The following SH3RF3 variants were observed in gnomAD, a reference collection of about 807,000 sequenced individuals.
SH3RF3 encodes SH3 domain containing ring finger 3.
A neutral mutation model predicts 66.3 loss-of-function variants in SH3RF3; 29 were observed. The observed-to-expected ratio is 0.44, with a 90% confidence interval of 0.33 to 0.60. The LOEUF is 0.60. Among genes scored for constraint, SH3RF3 ranks in the 20% least tolerant of loss-of-function variants. The pLI is 0.04. For missense variants in SH3RF3, 1,194 were observed against 1,190.9 expected (o/e 1.00, Z -0.04); for synonymous variants, 583 against 532.0 (o/e 1.10, Z -1.32).
intron 1 of SH3RF3, among the ~76,000 whole-genome samples, chr2:109,240,607 G>A (rs1284834558): frequency 6.6e-6 from 1 of 152,190 alleles, no homozygotes; most frequent in Non-Finnish European, 1.5e-5. Flanking sequence ...TTTCATTGCT[G>A]CAGTTTCAAA....
chr2:109,293,043 A>T (rs926695435), intron 1 of SH3RF3, among the ~76,000 whole-genome samples: 8 of 152,146 alleles, frequency 5.3e-5, no homozygotes, highest in Non-Finnish European at 1.2e-4. Context: ...TGACATTTAA[A>T]TGGCATCTGT....
intron 1 of SH3RF3, among the ~76,000 whole-genome samples, chr2:109,287,659 G>A (rs2105357687): frequency 6.6e-6 from 1 of 152,286 alleles, no homozygotes; most frequent in South Asian, 2.1e-4. Flanking sequence ...AGATCAGGGT[G>A]TTCCCCTTCT....
chr2:109,218,283 C>T (rs537970551), intron 1 of SH3RF3, among the ~76,000 whole-genome samples: 2 of 152,350 alleles, frequency 1.3e-5, no homozygotes, highest in South Asian at 4.1e-4. Context: ...ACTTTCTTGG[C>T]TCTCTTGCCC....
At chr2:109,345,327 G>T (rs891160802) in intron 1 of SH3RF3, among the ~76,000 whole-genome samples, 1 of 152,318 alleles carries the variant, frequency 6.6e-6, no homozygotes, top group Non-Finnish European at 1.5e-5. Context: ...CTTCTCGGGG[G>T]CATTGCAGGG....
chr2:109,306,289 T>G (rs1165227177), intron 1 of SH3RF3, among the ~76,000 whole-genome samples: 7 of 152,120 alleles, frequency 4.6e-5, no homozygotes, highest in Non-Finnish European at 1.0e-4. Context: ...GTGCCACGTG[T>G]GTGTTTGCAT....
intron 8 of SH3RF3, among the ~76,000 whole-genome samples, chr2:109,479,674 C>A (rs1678781987): frequency 1.3e-5 from 2 of 152,108 alleles, no homozygotes; most frequent in African/African-American, 4.8e-5. Context: ...TTTGTCTCCT[C>A]ATTTTTAAAA....
At chr2:109,484,436 C>G (rs1169574641) in intron 8 of SH3RF3, among the ~76,000 whole-genome samples, 1 of 152,128 alleles carries the variant, frequency 6.6e-6, no homozygotes, top group African/African-American at 2.4e-5. Flanking sequence ...CCCGCACCTG[C>G]TTTTTGCTAG....
At position 109,146,581 on chromosome 2, in the gene SH3RF3, A is replaced by G. The variant is rs927998196; in HGVS notation, c.573+16468A>G. ...CTACCTCTGAATGCACGCTCTCCCC[A>G]GCACCACCTTCAGGCCCAGCCCTTC... On this transcript the variant is annotated intron_variant, in intron 1 of 9. Transcript: ENST00000309415. Among the ~76,000 whole-genome samples the G allele has an allele frequency of 4.7e-4, 72 of 152,172 alleles. 1 individual carries two copies. The highest frequency in any genetic ancestry group is 1.6e-3 in the African/African-American group (68 of 41,538).
At chr2:109,192,284 G>A (rs764653705) in intron 1 of SH3RF3, among the ~76,000 whole-genome samples, 8 of 152,296 alleles carry the variant, frequency 5.3e-5, no homozygotes, top group South Asian at 4.2e-4. Flanking sequence ...TGGAGAAATC[G>A]TGGCTTATTG....
At chr2:109,368,156 C>T (rs1036359864) in intron 2 of SH3RF3, among the ~76,000 whole-genome samples, 9 of 152,232 alleles carry the variant, frequency 5.9e-5, no homozygotes, top group East Asian at 5.8e-4. Flanking sequence ...TATTTGTCTG[C>T]CTTTCCACTG....
intron 8 of SH3RF3, among the ~76,000 whole-genome samples, chr2:109,489,295 C>T (rs1445630606): frequency 6.6e-6 from 1 of 152,238 alleles, no homozygotes; most frequent in African/African-American, 2.4e-5. Context: ...GACCCTTCAC[C>T]GGGCACTAAG....
chr2:109,394,847 G>A (rs1160011773), intron 3 of SH3RF3, among the ~76,000 whole-genome samples: 2 of 152,232 alleles, frequency 1.3e-5, no homozygotes, highest in South Asian at 2.1e-4. Flanking sequence ...GCCTGTGCGC[G>A]AGACGAGTCT....
rs1304089648 is a variant in SH3RF3 at position 109,129,905 on chromosome 2, G to A, written c.365G>A (p.Arg122His). 2.0e-6 allele frequency: 3 copies of A among 1,507,146 alleles called. No homozygotes were observed. Among genetic ancestry groups the A allele is most frequent in the Non-Finnish European group, 2.6e-6 (3 of 1,133,598 alleles). The allele number at this position is 1,507,146 out of a possible 1,614,324, so 93.4% of individuals were successfully genotyped here. The stretch of plus-strand genomic sequence containing the variant: ...CTGGTGCGACTGCTGGACGGCATCC[G>A]TCAGCGGCCCCGCGCGGGCACCAGC... ...ILLVRLLDGI[R>H]QRPRAGTSPG... The change falls in exon 1 of 10, where the codon CGT (arginine) becomes CAT (histidine). Residue 122 changes from arginine to histidine, a missense_variant. Physicochemically the swap from Arg to His is conservative, Grantham distance 29. Coordinates refer to ENST00000309415, the MANE Select transcript of SH3RF3 (RefSeq NM_001099289.3).
chr2:109,196,562 C>A (rs1430254899), intron 1 of SH3RF3, among the ~76,000 whole-genome samples: 1 of 152,166 alleles, frequency 6.6e-6, no homozygotes, highest in Non-Finnish European at 1.5e-5. Flanking sequence ...TGTCGTCCTG[C>A]AAGAGTGGCC....
chr2:109,190,224 A>G (rs1678312649), intron 1 of SH3RF3, among the ~76,000 whole-genome samples: 1 of 151,266 alleles, frequency 6.6e-6, no homozygotes, highest in South Asian at 2.1e-4. Context: ...CCCAGGCTGG[A>G]GTGCAGTGGC....
chr2:109,271,887 A>G (rs1680635258), intron 1 of SH3RF3, among the ~76,000 whole-genome samples: 1 of 152,230 alleles, frequency 6.6e-6, no homozygotes, highest in South Asian at 2.1e-4. Flanking sequence ...CCCAAGGCAG[A>G]ATTGAGATTC....
intron 3 of SH3RF3, among the ~76,000 whole-genome samples, chr2:109,389,930 T>G (rs1675936867): frequency 1.3e-5 from 2 of 152,184 alleles, no homozygotes; most frequent in African/African-American, 4.8e-5. Context: ...CTCCTGAATC[T>G]GTGCCAGCCA....
intron 1 of SH3RF3, among the ~76,000 whole-genome samples, chr2:109,161,526 A>T (rs1359318494): frequency 1.3e-5 from 2 of 151,824 alleles, no homozygotes; most frequent in African/African-American, 4.9e-5. Flanking sequence ...TGGGGAGGGG[A>T]ACATGTCTTA....
intron 1 of SH3RF3, among the ~76,000 whole-genome samples, chr2:109,204,739 G>A (rs1678769168): frequency 6.6e-6 from 1 of 152,184 alleles, no homozygotes; most frequent in Non-Finnish European, 1.5e-5. Context: ...CCTTTGAAGA[G>A]ACCAAGCCAA....
Sources: gnomAD v4.1 joint callset for allele counts (sites outside exome capture counted in the v4.1 genomes callset) on GRCh38, gnomAD v4.1.1 for gene constraint, MANE v1.5 for transcripts, NCBI Gene and HGNC (gene_info 2026-07-23, HGNC 2026-07-21) for gene names.